GSDMC: variants seen among roughly 807,000 people sequenced by gnomAD.
GSDMC encodes the protein gasdermin C.
In GSDMC, 59 loss-of-function variants were observed where a neutral mutation model predicts 58.0. That is an observed-to-expected ratio of 1.02 (90% confidence interval 0.82 to 1.26). GSDMC has a LOEUF of 1.26. Ranked by LOEUF, GSDMC falls within the 50% of genes most tolerant of loss-of-function variation. GSDMC has a pLI of 0.00. For missense variants in GSDMC, 659 were observed against 598.5 expected (o/e 1.10, Z -1.06); for synonymous variants, 241 against 220.2 (o/e 1.09, Z -0.83).
the GSDMC span, among the ~76,000 whole-genome samples, chr8:129,722,576 A>G: frequency 1.4e-4 from 21 of 152,236 alleles, no homozygotes; most frequent in East Asian, 3.9e-3. Flanking sequence ...TCTCTTTCTC[A>G]TATGTCATGA....
chr8:129,709,630 A>AGATAGAT, the GSDMC span, among the ~76,000 whole-genome samples: 282 of 152,186 alleles, frequency 1.9e-3, 1 homozygote, highest in African/African-American at 6.5e-3. Flanking sequence ...ATAGATAGAT[A>AGATAGAT]GATAGATATG....
chr8:129,762,099 A>AC (rs2033684216), intron 5 of GSDMC, among the ~76,000 whole-genome samples: 1 of 152,194 alleles, frequency 6.6e-6, no homozygotes, highest in Admixed American at 6.5e-5. Flanking sequence ...TGGAGTCTAA[A>AC]CCCAAAGTGT....
intron 3 of GSDMC, 48 bp downstream of exon 3, chr8:129,776,053 AC>A: frequency 7.2e-7 from 1 of 1,390,270 alleles, no homozygotes; most frequent in South Asian, 1.3e-5. Flanking sequence ...CAAGGAAAAC[AC>A]CCCCTGGGAT....
intron 4 of GSDMC, among the ~76,000 whole-genome samples, chr8:129,763,368 TCA>T (rs1586595574): frequency 6.6e-6 from 1 of 152,224 alleles, no homozygotes; most frequent in Non-Finnish European, 1.5e-5. Flanking sequence ...TTCTGAAAAT[TCA>T]CAGTTATGTT....
the GSDMC span, among the ~76,000 whole-genome samples, chr8:129,712,432 A>G: frequency 6.6e-6 from 1 of 152,184 alleles, no homozygotes; most frequent in Admixed American, 6.5e-5. Flanking sequence ...TGCTAGGCCT[A>G]TTTCCTATGA....
At chr8:129,741,162 C>G in the GSDMC span, among the ~76,000 whole-genome samples, 1 of 151,972 alleles carries the variant, frequency 6.6e-6, no homozygotes, top group African/African-American at 2.4e-5. Context: ...CTAAATACTT[C>G]GGTTTATTTC....
chr8:129,785,476 A>C (rs750063289), intron 1 of GSDMC, among the ~76,000 whole-genome samples: 1 of 151,986 alleles, frequency 6.6e-6, no homozygotes, highest in Non-Finnish European at 1.5e-5. Context: ...GTATTTCTGA[A>C]TAAGATCTAG....
chr8:129,761,639 A>T (rs7824740), intron 5 of GSDMC, among the ~76,000 whole-genome samples: 1 of 152,076 alleles, frequency 6.6e-6, no homozygotes, highest in Admixed American at 6.5e-5. Flanking sequence ...TGTTAAAATC[A>T]TCTTATCATT....
downstream of GSDMC, among the ~76,000 whole-genome samples, chr8:129,746,493 G>A (rs563539656): frequency 4.3e-4 from 65 of 152,238 alleles, no homozygotes; most frequent in African/African-American, 1.5e-3. Flanking sequence ...GTGAGGTAGG[G>A]AACCTAACAA....
the GSDMC span, among the ~76,000 whole-genome samples, chr8:129,711,202 T>A: frequency 6.6e-6 from 1 of 152,240 alleles, no homozygotes; most frequent in Non-Finnish European, 1.5e-5. Context: ...TTTCACTTGA[T>A]CTTTACATGC....
In GSDMC at chr8:129,755,772, T is replaced by C. The variant is rs146873027; in HGVS notation, c.722-2952A>G. Among the ~76,000 whole-genome samples, 491 of 152,162 alleles carry C rather than the reference T, an allele frequency of 3.2e-3. 7 individuals carry two copies. Among genetic ancestry groups the C allele is most frequent in the African/African-American group, 0.01 (423 of 41,552 alleles). On this transcript the variant is annotated intron_variant, in intron 6 of 13. Coordinates refer to ENST00000276708, the MANE Select transcript of GSDMC (RefSeq NM_031415.3). ...TCTTTTTGCCTATTAGTTCATTTGT[T>C]TATGCAATCAATGTTAAGTTCTCAT... is the stretch of plus-strand genomic sequence containing the variant.
chr8:129,757,512 C>CA (rs1176936126), intron 6 of GSDMC, among the ~76,000 whole-genome samples: 1 of 151,476 alleles, frequency 6.6e-6, no homozygotes, highest in Admixed American at 6.6e-5. Context: ...CAAACTACTC[C>CA]AAAAAATAGA....
At position 129,750,582 on chromosome 8, in the gene GSDMC, C is replaced by T; in HGVS notation, c.944-12G>A. On this transcript the variant is annotated splice_polypyrimidine_tract_variant and intron_variant, in intron 10 of 13. Transcript: ENST00000276708. Reference sequence around the variant, plus strand: ...TAGATGCTTGAAATCTGCTCTCAGGCATCAACGCCGACCAGAAAGTGGGGA... The same window carrying T: ...TAGATGCTTGAAATCTGCTCTCAGGTATCAACGCCGACCAGAAAGTGGGGA... 1 of 1,612,456 alleles carries T rather than the reference C, an allele frequency of 6.2e-7. No homozygotes were observed. The highest frequency in any genetic ancestry group is 2.2e-5 in the East Asian group (1 of 44,882).
At chr8:129,778,418 A>G (rs2034311994) in intron 1 of GSDMC, among the ~76,000 whole-genome samples, 2 of 152,208 alleles carry the variant, frequency 1.3e-5, no homozygotes, top group Non-Finnish European at 2.9e-5. Flanking sequence ...CAGAAGAGTG[A>G]AAATGGACCA....
At chr8:129,766,248 G>A (rs746577163) in intron 3 of GSDMC, among the ~76,000 whole-genome samples, 17 of 152,168 alleles carry the variant, frequency 1.1e-4, no homozygotes, top group Admixed American at 8.5e-4. Context: ...GGAATGAAGC[G>A]AGAAGACTCT....
chr8:129,736,373 C>T, the GSDMC span, among the ~76,000 whole-genome samples: 56 of 152,124 alleles, frequency 3.7e-4, no homozygotes, highest in Non-Finnish European at 7.6e-4. Flanking sequence ...TGATGAACAT[C>T]GACGTGAAAA....
intron 3 of GSDMC, among the ~76,000 whole-genome samples, chr8:129,773,634 A>G (rs1343687638): frequency 6.6e-6 from 1 of 151,928 alleles, no homozygotes; most frequent in South Asian, 2.1e-4. Context: ...AAAATAGAAA[A>G]CATTAGCTGG....
intron 1 of GSDMC, among the ~76,000 whole-genome samples, chr8:129,779,505 G>A (rs1381285746): frequency 2.6e-5 from 4 of 151,808 alleles, no homozygotes; most frequent in African/African-American, 9.7e-5. Context: ...AATAACGAAT[G>A]GTTACTAGGC....
chr8:129,741,538 G>A, the GSDMC span, among the ~76,000 whole-genome samples: 2 of 152,038 alleles, frequency 1.3e-5, no homozygotes, highest in East Asian at 3.9e-4. Context: ...AATCATCAGG[G>A]AAATATTCTA....
Sources: gnomAD v4.1 joint callset for allele counts (sites outside exome capture counted in the v4.1 genomes callset) on GRCh38, gnomAD v4.1.1 for gene constraint, MANE v1.5 for transcripts, NCBI Gene and HGNC (gene_info 2026-07-23, HGNC 2026-07-21) for gene names.